The following SLC24A2 variants were observed in gnomAD, a reference collection of about 807,000 sequenced individuals.
The protein encoded by SLC24A2 is sodium/potassium/calcium exchanger 2.
A neutral mutation model predicts 62.0 loss-of-function variants in SLC24A2; 36 were observed. That is an observed-to-expected ratio of 0.58 (90% confidence interval 0.44 to 0.77). The LOEUF is 0.77. SLC24A2 is among the 30% of genes least tolerant of loss of function. The pLI is 0.00. For synonymous variants in SLC24A2, 358 were observed against 294.0 expected, an observed-to-expected ratio of 1.22 and a Z score of -2.23; for missense variants, 846 against 817.9, an observed-to-expected ratio of 1.03 and a Z score of -0.42.
At chr9:19,795,960 T>C in the SLC24A2 span, among the ~76,000 whole-genome samples, 4 of 151,812 alleles carry the variant, frequency 2.6e-5, no homozygotes, top group Non-Finnish European at 5.9e-5. Context: ...GATGAGTTCA[T>C]GTCCTTTGTA....
At chr9:20,201,220 C>G in the SLC24A2 span, among the ~76,000 whole-genome samples, 4 of 152,130 alleles carry the variant, frequency 2.6e-5, no homozygotes, top group African/African-American at 9.7e-5. Context: ...TTTGTTTTGC[C>G]CCAAACTTCA....
At chr9:20,205,228 T>C in the SLC24A2 span, among the ~76,000 whole-genome samples, 4 of 152,180 alleles carry the variant, frequency 2.6e-5, no homozygotes, top group African/African-American at 7.2e-5. Context: ...TTTCTCCCTA[T>C]TGAAGCATGA....
chr9:19,778,420 C>G (rs1015671966), intron 2 of SLC24A2, among the ~76,000 whole-genome samples: 2 of 151,924 alleles, frequency 1.3e-5, no homozygotes, highest in South Asian at 4.2e-4. Context: ...TATCTGTAAG[C>G]TGAGACTCCT....
the SLC24A2 span, among the ~76,000 whole-genome samples, chr9:19,868,861 T>A: frequency 6.6e-6 from 1 of 152,196 alleles, no homozygotes; most frequent in Admixed American, 6.5e-5. Context: ...TTGCTTTTTT[T>A]AATGAAATAT....
chr9:19,838,097 G>A, the SLC24A2 span, among the ~76,000 whole-genome samples: 1 of 151,872 alleles, frequency 6.6e-6, no homozygotes. Flanking sequence ...CCAAAAAAGA[G>A]CCCGCATTGC....
At position 19,545,554 on chromosome 9, in the gene SLC24A2, A is replaced by T. The variant is rs547044714; in HGVS notation, c.1479+4583T>A. On this transcript the variant is annotated intron_variant, in intron 8 of 10. Coordinates refer to ENST00000341998, the MANE Select transcript of SLC24A2 (RefSeq NM_020344.4). ...TTTTGCGCGGGTTTCTCCCCATCTT[A>T]GTGAATTTATCTACCGTCGGTCTTT... Among the ~76,000 whole-genome samples the T allele has an allele frequency of 8.6e-5, 13 of 151,766 alleles. No homozygotes were observed. The East Asian group carries it at 2.5e-3, about 30-fold the overall frequency.
the SLC24A2 span, among the ~76,000 whole-genome samples, chr9:20,230,056 C>T: frequency 4.1e-4 from 63 of 152,254 alleles, no homozygotes; most frequent in East Asian, 0.011. Flanking sequence ...CTACAAAGGA[C>T]ATGAACTCAT....
intron 4 of SLC24A2, among the ~76,000 whole-genome samples, 156 bp downstream of exon 4, chr9:19,619,428 A>C (rs1456262623): frequency 6.6e-6 from 1 of 152,218 alleles, no homozygotes; most frequent in East Asian, 1.9e-4. Context: ...GTTGCAGATA[A>C]AGCACGTCAA....
chr9:19,868,523 C>A, the SLC24A2 span, among the ~76,000 whole-genome samples: 4 of 152,116 alleles, frequency 2.6e-5, no homozygotes, highest in Non-Finnish European at 5.9e-5. Context: ...TTGTGCAAGT[C>A]TTTTATGTCC....
At chr9:20,183,150 A>G in the SLC24A2 span, among the ~76,000 whole-genome samples, 933 of 152,280 alleles carry the variant, frequency 6.1e-3, 7 homozygotes, top group South Asian at 0.057. Context: ...AAGGAATTCT[A>G]TCTTCACGGG....
chr9:20,084,579 G>A, the SLC24A2 span, among the ~76,000 whole-genome samples: 1 of 140,714 alleles, frequency 7.1e-6, no homozygotes, highest in Admixed American at 7.4e-5. Context: ...CCACCTCAGT[G>A]AACTCTCCAG....
the SLC24A2 span, among the ~76,000 whole-genome samples, chr9:19,894,718 A>C: frequency 6.6e-6 from 1 of 152,154 alleles, no homozygotes; most frequent in African/African-American, 2.4e-5. Flanking sequence ...AAAAGAAAAA[A>C]TGGGACAAGG....
the SLC24A2 span, among the ~76,000 whole-genome samples, chr9:19,810,417 G>C: frequency 6.6e-6 from 1 of 152,180 alleles, no homozygotes; most frequent in Admixed American, 6.5e-5. Context: ...TGTGTAAATA[G>C]GAAATAACAC....
At chr9:20,305,393 C>G in the SLC24A2 span, among the ~76,000 whole-genome samples, 93 of 152,238 alleles carry the variant, frequency 6.1e-4, 1 homozygote, top group African/African-American at 2.2e-3. Flanking sequence ...GCATGAGCCA[C>G]CGCGCCCAGC....
chr9:20,196,088 A>G, the SLC24A2 span, among the ~76,000 whole-genome samples: 1 of 152,214 alleles, frequency 6.6e-6, no homozygotes, highest in African/African-American at 2.4e-5. Flanking sequence ...GCTTGACCAA[A>G]CTCTATACTT....
At chr9:19,628,388 G>A (rs1818088135) in intron 2 of SLC24A2, among the ~76,000 whole-genome samples, 1 of 152,110 alleles carries the variant, frequency 6.6e-6, no homozygotes, top group Non-Finnish European at 1.5e-5. Context: ...TCTTACAAAT[G>A]GAGAAAGAGA....
rs770418299 is a variant in SLC24A2, at chr9:19,786,584, G to C, written c.283C>G (p.Leu95Val). Residue 95 changes from leucine (L) to valine (V), a missense_variant, in exon 2 of 11, where the codon CTG (leucine) becomes GTG (valine). Transcript: ENST00000341998. The surrounding 1 kb of genome is among the most constrained non-coding windows in gnomAD (Gnocchi z 5.0). ...AGAGGTGGCTGTGGAGTATAATCCA[G>C]AATCTTGTCATTTAAATCTAAGAGA... ...RTLLDLNDKI[L>V]DYTPQPPLSK... 4 of 1,614,046 alleles carry C rather than the reference G, an allele frequency of 2.5e-6. No homozygotes were observed. Among genetic ancestry groups the C allele is most frequent in the Non-Finnish European group, 3.4e-6 (4 of 1,180,042 alleles).
At chr9:19,798,202 TTCA>T in the SLC24A2 span, among the ~76,000 whole-genome samples, 2 of 152,204 alleles carry the variant, frequency 1.3e-5, no homozygotes, top group Non-Finnish European at 1.5e-5. Flanking sequence ...TTTTTAATGC[TTCA>T]TCATTTTCTT....
the SLC24A2 span, among the ~76,000 whole-genome samples, chr9:20,084,141 G>A: frequency 1.3e-5 from 2 of 152,212 alleles, no homozygotes; most frequent in Admixed American, 1.3e-4. Flanking sequence ...ACAGAAGCCT[G>A]TAACTCACTT....
Sources: allele counts gnomAD v4.1 joint callset (sites outside exome capture counted in the v4.1 genomes callset), GRCh38; gene constraint gnomAD v4.1.1; non-coding constraint Gnocchi (gnomAD v3.1); transcripts MANE v1.5; gene names NCBI Gene and HGNC (gene_info 2026-07-23, HGNC 2026-07-21).